The following RUFY3 variants were observed in gnomAD, a reference collection of about 807,000 sequenced individuals.
RUFY3 encodes protein RUFY3.
Under a neutral mutation model 84.0 loss-of-function variants are expected in RUFY3, and 34 were observed. That is an observed-to-expected ratio of 0.40 (90% confidence interval 0.31 to 0.54). RUFY3 has a LOEUF of 0.54. Among genes scored for constraint, RUFY3 ranks in the 20% least tolerant of loss-of-function variants. The pLI, the probability that RUFY3 is intolerant of heterozygous loss-of-function variation, is 0.39. For synonymous variants in RUFY3, 242 were observed against 252.9 expected, an observed-to-expected ratio of 0.96 and a Z score of 0.41; for missense variants, 507 against 736.8, an observed-to-expected ratio of 0.69 and a Z score of 3.61.
intron 1 of RUFY3, among the ~76,000 whole-genome samples, chr4:70,745,316 G>T (rs1056308089): frequency 4.6e-5 from 7 of 152,190 alleles, no homozygotes; most frequent in Admixed American, 2.0e-4. Flanking sequence ...AGAATATGAA[G>T]TGTCTTCTTA....
At chr4:70,713,030 TTTGCTTTTTTGAGATGGA>T (rs1741157033) in intron 1 of RUFY3, among the ~76,000 whole-genome samples, 1 of 152,180 alleles carries the variant, frequency 6.6e-6, no homozygotes, top group African/African-American at 2.4e-5. Flanking sequence ...TTTTGTTTTG[TTTGCTTTTTTGAGATGGA>T]GTTTCACTTT....
At chr4:70,750,159 G>A (rs372293918) in intron 1 of RUFY3, among the ~76,000 whole-genome samples, 5 of 152,174 alleles carry the variant, frequency 3.3e-5, no homozygotes, top group South Asian at 4.2e-4. Context: ...CTATGGGTGC[G>A]TACCACCAAG....
intron 8 of RUFY3, among the ~76,000 whole-genome samples, chr4:70,782,643 T>G (rs1450120558): frequency 6.6e-6 from 1 of 152,086 alleles, no homozygotes; most frequent in African/African-American, 2.4e-5. Flanking sequence ...TCGGGCGCAG[T>G]GGCTCATGCC....
At chr4:70,740,163 G>A (rs1203364964) in intron 1 of RUFY3, among the ~76,000 whole-genome samples, 2 of 152,086 alleles carry the variant, frequency 1.3e-5, no homozygotes, top group African/African-American at 4.8e-5. Context: ...TAAAAGAATG[G>A]CATGTTACCT....
At chr4:70,762,135 G>A (rs1034686633) in intron 1 of RUFY3, among the ~76,000 whole-genome samples, 3 of 152,180 alleles carry the variant, frequency 2.0e-5, no homozygotes, top group Non-Finnish European at 4.4e-5. Flanking sequence ...GGGCAACAAA[G>A]TGAGACCATG....
At chr4:70,707,773 T>G (rs987599154) in intron 1 of RUFY3, among the ~76,000 whole-genome samples, 7 of 152,340 alleles carry the variant, frequency 4.6e-5, no homozygotes, top group Non-Finnish European at 1.0e-4. Context: ...AAATAGTTTT[T>G]TGTTTTGGAC....
chr4:70,731,722 CA>C (rs1719305360), intron 1 of RUFY3, among the ~76,000 whole-genome samples: 1 of 152,164 alleles, frequency 6.6e-6, no homozygotes, highest in African/African-American at 2.4e-5. Context: ...TGTGCACCAC[CA>C]TGCCCGGCTA....
At chr4:70,729,533 T>C (rs547565095) in intron 1 of RUFY3, among the ~76,000 whole-genome samples, 1 of 152,274 alleles carries the variant, frequency 6.6e-6, no homozygotes, top group South Asian at 2.1e-4. Flanking sequence ...GCTAGGATTA[T>C]AGATGTGAGC....
intron 1 of RUFY3, among the ~76,000 whole-genome samples, chr4:70,709,723 C>T (rs576725638): frequency 6.6e-5 from 10 of 152,132 alleles, no homozygotes; most frequent in African/African-American, 9.7e-5. Context: ...GGAAGAGTCA[C>T]CCTGCTGTTT....
At chr4:70,735,659 G>A (rs1187943429) in intron 1 of RUFY3, among the ~76,000 whole-genome samples, 1 of 151,946 alleles carries the variant, frequency 6.6e-6, no homozygotes, top group Non-Finnish European at 1.5e-5. Flanking sequence ...TGGGCAACAT[G>A]GCAAAACCCT....
chr4:70,791,925 G>C (rs1480368054), intron 12 of RUFY3: 3 of 984,584 alleles, frequency 3.0e-6, no homozygotes, highest in East Asian at 2.3e-4. Flanking sequence ...AAAAAGAAAA[G>C]AAAAAGCAGC....
intron 1 of RUFY3, among the ~76,000 whole-genome samples, chr4:70,738,009 G>T (rs1376836645): frequency 1.5e-5 from 2 of 137,330 alleles, no homozygotes; most frequent in African/African-American, 2.9e-5. Flanking sequence ...TTGAGATAGG[G>T]TTTCACTCTA....
chr4:70,738,982 T>G (rs1720868266), intron 1 of RUFY3, among the ~76,000 whole-genome samples: 1 of 151,952 alleles, frequency 6.6e-6, no homozygotes, highest in African/African-American at 2.4e-5. Flanking sequence ...TCCAAAGTGC[T>G]GGGATTACAG....
intron 1 of RUFY3, among the ~76,000 whole-genome samples, chr4:70,735,565 G>C (rs193280141): frequency 6.6e-6 from 1 of 152,140 alleles, no homozygotes; most frequent in African/African-American, 2.4e-5. Context: ...TATTGGCTGG[G>C]CGTGGTGGCT....
At position 70,804,427 on chromosome 4, in the gene RUFY3, T is replaced by A; in HGVS notation, c.1719+11T>A. 6.2e-7 allele frequency: 1 copy of A among 1,612,668 alleles called. No individual in the cohort carries two copies. On this transcript the variant is annotated intron_variant, in intron 17 of 17. Coordinates refer to ENST00000381006, the MANE Select transcript of RUFY3 (RefSeq NM_001037442.4). ...GGCAGCCTAACAAAGGTAACTGTGA[T>A]GAGAAACGGACAGGCTTTTCATAGG...
At chr4:70,749,683 T>C (rs1298907479) in intron 1 of RUFY3, among the ~76,000 whole-genome samples, 1 of 149,458 alleles carries the variant, frequency 6.7e-6, no homozygotes, top group East Asian at 2.0e-4. Context: ...TGAGACAGGA[T>C]CTCACTCTGT....
At chr4:70,743,763 T>C (rs529834253) in intron 1 of RUFY3, among the ~76,000 whole-genome samples, 1 of 152,182 alleles carries the variant, frequency 6.6e-6, no homozygotes, top group East Asian at 1.9e-4. Flanking sequence ...TTGATCAAGA[T>C]CCTCTTTACA....
chr4:70,711,629 G>C (rs1241005372), intron 1 of RUFY3, among the ~76,000 whole-genome samples: 2 of 152,170 alleles, frequency 1.3e-5, no homozygotes, highest in Non-Finnish European at 2.9e-5. Flanking sequence ...TAGATAAAAA[G>C]CACCCACCCA....
intron 1 of RUFY3, among the ~76,000 whole-genome samples, chr4:70,758,825 G>A (rs1175615137): frequency 6.6e-6 from 1 of 151,758 alleles, no homozygotes; most frequent in Non-Finnish European, 1.5e-5. Context: ...AGATCACGAG[G>A]TCAGGAGATC....
Sources: allele counts gnomAD v4.1 joint callset (sites outside exome capture counted in the v4.1 genomes callset), GRCh38; gene constraint gnomAD v4.1.1; transcripts MANE v1.5; gene names NCBI Gene and HGNC (gene_info 2026-07-23, HGNC 2026-07-21).